Variants in TMEM131L observed in about 807,000 individuals in gnomAD.
The protein encoded by TMEM131L is transmembrane 131 like, also known as transmembrane protein 131-like.
A neutral mutation model predicts 192.2 loss-of-function variants in TMEM131L; 54 were observed. The ratio of observed to expected loss-of-function variants is 0.28; its 90% CI spans 0.23 to 0.35. The LOEUF is 0.35. Ranked by LOEUF, TMEM131L falls within the 10% of genes least tolerant of loss-of-function variation. The pLI is 1.00. For missense variants in TMEM131L, 1,888 were observed against 1,972.9 expected, an observed-to-expected ratio of 0.96 and a Z score of 0.82; for synonymous variants, 701 against 704.9, an observed-to-expected ratio of 0.99 and a Z score of 0.09.
At chr4:153,503,472 C>G (rs1466993267) in intron 3 of TMEM131L, among the ~76,000 whole-genome samples, 1 of 152,120 alleles carries the variant, frequency 6.6e-6, no homozygotes, top group African/African-American at 2.4e-5. Context: ...TTCAGATTTA[C>G]TCATTATTTA....
chr4:153,526,511 G>A (rs1030872244), intron 3 of TMEM131L, among the ~76,000 whole-genome samples: 2 of 151,968 alleles, frequency 1.3e-5, no homozygotes, highest in African/African-American at 4.8e-5. Context: ...GAGGCAGGTG[G>A]ATCACGAGGT....
intron 11 of TMEM131L, among the ~76,000 whole-genome samples, chr4:153,584,176 C>A (rs971772388): frequency 6.6e-6 from 1 of 152,146 alleles, no homozygotes; most frequent in African/African-American, 2.4e-5. Context: ...GACAGCGATG[C>A]GAGCAGTGTG....
At chr4:153,581,300 TCA>T (rs1491576190) in intron 8 of TMEM131L, 105 bp from the exon 9 acceptor site, 15 of 811,568 alleles carry the variant, frequency 1.8e-5, no homozygotes, top group Middle Eastern at 4.9e-4. Flanking sequence ...TATTCTGTTC[TCA>T]CACACGTCCC....
chr4:153,496,429 C>T (rs1733176385), intron 3 of TMEM131L, among the ~76,000 whole-genome samples: 1 of 152,224 alleles, frequency 6.6e-6, no homozygotes, highest in South Asian at 2.1e-4. Context: ...GCAGGGAACA[C>T]AACCCGTTCC....
At chr4:153,575,856 C>T (rs1204461365) in intron 7 of TMEM131L, among the ~76,000 whole-genome samples, 1 of 152,140 alleles carries the variant, frequency 6.6e-6, no homozygotes, top group Non-Finnish European at 1.5e-5. Flanking sequence ...ACAGTGTGCT[C>T]AGTTGGGGAC....
intron 33 of TMEM131L, among the ~76,000 whole-genome samples, chr4:153,634,841 A>C (rs1381028710): frequency 6.6e-6 from 1 of 152,248 alleles, no homozygotes; most frequent in African/African-American, 2.4e-5. Context: ...TCTATTGTGC[A>C]CTACTGTTGG....
chr4:153,553,350 A>G lies in TMEM131L; in HGVS notation c.309-2437A>G, dbSNP rs181986096. Among the ~76,000 whole-genome samples the G allele has an allele frequency of 2.6e-5, 4 of 152,302 alleles. No homozygotes were observed. In the East Asian group the frequency reaches 5.8e-4, roughly 22 times the overall value. ...GCCATTTGCTCAAGGTCATTTCACT[A>G]CAAGTGGTAGAATAAATCTTCTGAT... On this transcript the variant is annotated intron_variant, in intron 4 of 34. Transcript: ENST00000409959.
intron 17 of TMEM131L, among the ~76,000 whole-genome samples, chr4:153,591,960 T>C (rs957921214): frequency 6.6e-6 from 1 of 152,170 alleles, no homozygotes; most frequent in African/African-American, 2.4e-5. Flanking sequence ...TCTGCATACA[T>C]GTATCTTTGT....
At position 153,584,790 on chromosome 4, in the gene TMEM131L, A is replaced by C. The variant is rs566378047; in HGVS notation, c.1061-45A>C. On this transcript the variant is annotated intron_variant, in intron 11 of 34. Coordinates refer to ENST00000409959, the MANE Select transcript of TMEM131L (RefSeq NM_001131007.2). ...ATATCTTTTGTTCAGGCTTAATGAAAGAAAAGGTACTTAAGCTTCACATTT... is the reference window on the plus strand; with the variant it reads ...ATATCTTTTGTTCAGGCTTAATGAACGAAAAGGTACTTAAGCTTCACATTT... 3 of 1,391,734 alleles carry C rather than the reference A, an allele frequency of 2.2e-6. No homozygotes were observed. In the East Asian group the frequency reaches 6.9e-5, roughly 32 times the overall value. 86.2% of individuals were successfully genotyped at this position (1,391,734 alleles called of 1,614,324 possible).
At chr4:153,627,477 TTCTTCCCCAAGAAAC>T (rs750018319) in intron 30 of TMEM131L, 113 bp from the exon 31 acceptor site, 24 of 652,182 alleles carry the variant, frequency 3.7e-5, no homozygotes, top group East Asian at 2.2e-4. Flanking sequence ...ATCTGTATGT[TTCTTCCCCAAGAAAC>T]TCTTCCCCAA....
intron 2 of TMEM131L, among the ~76,000 whole-genome samples, chr4:153,470,732 T>C (rs1446781351): frequency 6.6e-6 from 1 of 152,228 alleles, no homozygotes; most frequent in Non-Finnish European, 1.5e-5. Context: ...GAAACTGCGA[T>C]TCCATGTGAT....
intron 3 of TMEM131L, among the ~76,000 whole-genome samples, chr4:153,482,975 A>T (rs74906578): frequency 0.038 from 5,801 of 152,276 alleles, 168 homozygotes; most frequent in South Asian, 0.079. Context: ...TTATCTTTAT[A>T]TTGAAAGGTT....
chr4:153,607,943 G>A (rs1451524741), intron 25 of TMEM131L, among the ~76,000 whole-genome samples: 3 of 152,108 alleles, frequency 2.0e-5, no homozygotes, highest in Non-Finnish European at 2.9e-5. Context: ...AGAAGTATAT[G>A]TATATGTATA....
chr4:153,488,601 T>C (rs976430847), intron 3 of TMEM131L, among the ~76,000 whole-genome samples: 1 of 151,856 alleles, frequency 6.6e-6, no homozygotes, highest in Admixed American at 6.6e-5. Flanking sequence ...TGTGGTGGAG[T>C]GGGAGCATTT....
chr4:153,523,717 G>A (rs1256953368), intron 3 of TMEM131L, among the ~76,000 whole-genome samples: 1 of 152,106 alleles, frequency 6.6e-6, no homozygotes, highest in East Asian at 1.9e-4. Flanking sequence ...TATTATTATT[G>A]ATGGGATTAT....
chr4:153,598,865 T>C, intron 21 of TMEM131L, 133 bp downstream of exon 21: 1 of 670,572 alleles, frequency 1.5e-6, no homozygotes. Context: ...AGTAAATTCA[T>C]TGTATTGATG....
chr4:153,523,293 T>G (rs1393192491), intron 3 of TMEM131L, among the ~76,000 whole-genome samples: 2 of 152,230 alleles, frequency 1.3e-5, no homozygotes, highest in Non-Finnish European at 2.9e-5. Context: ...GTGAAACGTA[T>G]GAATTTCCTA....
intron 3 of TMEM131L, among the ~76,000 whole-genome samples, chr4:153,486,825 T>C (rs1210900046): frequency 6.6e-6 from 1 of 152,040 alleles, no homozygotes; most frequent in South Asian, 2.1e-4. Flanking sequence ...TCCTGCAGGG[T>C]TTAGTCATAG....
intron 3 of TMEM131L, among the ~76,000 whole-genome samples, chr4:153,475,577 T>C (rs185393509): frequency 3.0e-4 from 46 of 152,312 alleles, no homozygotes; most frequent in Admixed American, 1.3e-4. Context: ...TAATTACCTA[T>C]CAAAATTTGT....
Sources: gnomAD v4.1 joint callset for allele counts (sites outside exome capture counted in the v4.1 genomes callset) on GRCh38, gnomAD v4.1.1 for gene constraint, MANE v1.5 for transcripts, NCBI Gene and HGNC (gene_info 2026-07-23, HGNC 2026-07-21) for gene names.